The following NDOR1 variants were observed in gnomAD, a reference collection of about 807,000 sequenced individuals.
The protein encoded by NDOR1 is NADPH-dependent diflavin oxidoreductase 1.
A neutral mutation model predicts 67.2 loss-of-function variants in NDOR1; 61 were observed. The observed-to-expected ratio is 0.91, with a 90% CI of 0.74 to 1.12. The LOEUF (loss-of-function observed/expected upper bound fraction) is 1.12. NDOR1 is among the 50% of genes most tolerant of loss of function. The pLI, the probability that NDOR1 is intolerant of heterozygous loss-of-function variation, is 0.00. For missense variants in NDOR1, 878 were observed against 802.8 expected, an observed-to-expected ratio of 1.09 and a Z score of -1.13; for synonymous variants, 378 against 343.7, an observed-to-expected ratio of 1.10 and a Z score of -1.10.
Position 137,215,168 on chromosome 9 carries a change from G to T in NDOR1, c.1139G>T (p.Arg380Leu), listed in dbSNP as rs371123014. ...CTGTTGGACCTCATCCCCGTTATCC[G>T]GCCGAGGGCCTTCTCCATCGCCTCC... ...DYLLDLIPVI[R>L]PRAFSIASSL... Residue 380 changes from arginine to leucine, a missense_variant, in exon 9 of 14, where the codon CGG (arginine) becomes CTG (leucine). By Grantham distance (102) the Arg-to-Leu change is moderately radical. Transcript: ENST00000684003. 1 of 1,613,106 alleles carries T rather than the reference G, an allele frequency of 6.2e-7. No individual in the cohort carries two copies. The highest frequency in any genetic ancestry group is 8.5e-7 in the Non-Finnish European group (1 of 1,179,902).
chr9:137,209,072 C>G (rs531340742), intron 2 of NDOR1, among the ~76,000 whole-genome samples: 104 of 151,964 alleles, frequency 6.8e-4, no homozygotes, highest in Non-Finnish European at 1.3e-3. Flanking sequence ...TAGTAGAGAT[C>G]GGGTTTCACC....
rs182609426 is a variant in NDOR1, at chr9:137,208,156, A to G, written c.213+1847A>G. ...GCTAGACTCTGTCAAAAAAAAAAAA[A>G]AAAAGAAAAAGAGCCGGGCACTGTG... On this transcript the variant is annotated intron_variant, in intron 2 of 13. Transcript: ENST00000684003. Among the ~76,000 whole-genome samples the G allele has an allele frequency of 9.9e-3, 1,445 of 145,474 alleles. 28 individuals are homozygous for G. Among genetic ancestry groups the G allele is most frequent in the African/African-American group, 0.036 (1,401 of 39,108 alleles).
At position 137,207,853 on chromosome 9, in the gene NDOR1, C is replaced by T. The variant is rs1016543426; in HGVS notation, c.213+1544C>T. Among the ~76,000 whole-genome samples, 19 of 152,156 alleles carry T rather than the reference C, an allele frequency of 1.2e-4. 1 individual carries two copies. The highest frequency in any genetic ancestry group is 4.6e-4 in the African/African-American group (19 of 41,432). On this transcript the variant is annotated intron_variant, in intron 2 of 13. Transcript: ENST00000684003. ...AGTGGAGAGCATCTTTTAAGAATGTCTTGAGTGCGGGCCGGCTGCGGTGGC... is the reference window on the plus strand; with the variant it reads ...AGTGGAGAGCATCTTTTAAGAATGTTTTGAGTGCGGGCCGGCTGCGGTGGC...
At chr9:137,214,136 G>T (rs976046770) in intron 5 of NDOR1, 68 bp downstream of exon 5, 17 of 1,537,136 alleles carry the variant, frequency 1.1e-5, no homozygotes, top group Non-Finnish European at 1.3e-5. Context: ...CTCGCCCTGG[G>T]TCCCTCCCGT....
chr9:137,213,401 GCA>G (rs1466023174), intron 3 of NDOR1, among the ~76,000 whole-genome samples: 2 of 152,206 alleles, frequency 1.3e-5, no homozygotes, highest in African/African-American at 4.8e-5. Flanking sequence ...TCTCTCCCCA[GCA>G]CAGAGTTTCT....
chr9:137,217,604 C>T lies in NDOR1; in HGVS notation c.*1188C>T, dbSNP rs935536057. Reference sequence around the variant, plus strand: ...CCAGATCTGGCTGGGGACAGCACCGCGTGGGCCCAGGATCCACCCAGAGCA... The same window carrying T: ...CCAGATCTGGCTGGGGACAGCACCGTGTGGGCCCAGGATCCACCCAGAGCA... On this transcript the variant is annotated 3_prime_UTR_variant, in exon 14 of 14. Transcript: ENST00000684003. The T allele has an allele frequency of 1.6e-5, 3 of 185,006 alleles. No homozygotes were observed. The highest frequency in any genetic ancestry group is 2.6e-4 in the East Asian group (2 of 7,628). 11.5% of individuals were successfully genotyped at this position (185,006 alleles called of 1,614,324 possible). A position where few individuals can be genotyped will look rare whatever the true frequency, so the allele number is the denominator to read the frequency against.
Position 137,212,775 on chromosome 9 carries a change from CG to C in NDOR1, c.311+180del. Reference sequence around the variant, plus strand: ...GGTGGGCACCCCAGGCTTCACGCTGCGGGGAGGGCACAGAGGGGAGCAGGCA... The same window carrying C: ...GGTGGGCACCCCAGGCTTCACGCTGCGGGAGGGCACAGAGGGGAGCAGGCA... On this transcript the variant is annotated intron_variant, in intron 3 of 13. Coordinates refer to ENST00000684003, the MANE Select transcript of NDOR1 (RefSeq NM_014434.4). This position sits in a 1 kb window ranked among gnomAD's most constrained non-coding sequence, Gnocchi z 4.3. 1 of 618,440 alleles carries C rather than the reference CG, an allele frequency of 1.6e-6. No homozygotes were observed. The highest frequency in any genetic ancestry group is 2.9e-6 in the Non-Finnish European group (1 of 347,064). 38.3% of individuals were successfully genotyped at this position (618,440 alleles called of 1,614,324 possible).
chr9:137,208,266 GGT>G, intron 2 of NDOR1, among the ~76,000 whole-genome samples: 1 of 151,132 alleles, frequency 6.6e-6, no homozygotes, highest in South Asian at 2.1e-4. Context: ...TGGCTAACAC[GGT>G]GTGAAACCTC....
At chr9:137,205,980 C>G in intron 1 of NDOR1, 68 bp downstream of exon 1, 1 of 1,500,744 alleles carries the variant, frequency 6.7e-7, no homozygotes. Flanking sequence ...GCGGGGTCAT[C>G]GACCCAAAAG....
Position 137,212,360 on chromosome 9 carries a change from T to C in NDOR1, c.214-142T>C. 1 of 701,776 alleles carries C rather than the reference T, an allele frequency of 1.4e-6. No individual in the cohort carries two copies. Among genetic ancestry groups the C allele is most frequent in the African/African-American group, 1.7e-5 (1 of 57,298 alleles). The allele number at this position is 701,776 out of a possible 1,614,324, so 43.5% of individuals were successfully genotyped here. On this transcript the variant is annotated intron_variant, in intron 2 of 13. Transcript: ENST00000684003. The surrounding 1 kb of genome is among the most constrained non-coding windows in gnomAD (Gnocchi z 4.3). ...CATCCTGCAGGCTGGACCTGGGCCC[T>C]GCCTTTTGGTCAGATAGGTCCAGTT...
chr9:137,214,211 T>TC lies in NDOR1; in HGVS notation c.522dup (p.Lys175GlnfsTer16). The TC allele has an allele frequency of 6.2e-7, 1 of 1,611,028 alleles. No homozygotes were observed. The highest frequency in any genetic ancestry group is 1.1e-5 in the South Asian group (1 of 90,956). On this transcript the variant is annotated frameshift_variant, in exon 6 of 14. Coordinates refer to ENST00000684003, the MANE Select transcript of NDOR1 (RefSeq NM_014434.4). LOFTEE classifies it high-confidence loss of function. ...CAGCGTGCCCTCCCACAGCCTGCCC[T>TC]CCAAGTTCACCCTGCTGTTCCTCCA... is the stretch of plus-strand genomic sequence containing the variant.
chr9:137,207,447 G>A (rs1292212017), intron 2 of NDOR1, among the ~76,000 whole-genome samples: 1 of 152,046 alleles, frequency 6.6e-6, no homozygotes, highest in Non-Finnish European at 1.5e-5. Flanking sequence ...TTGAAGTGGA[G>A]AAGTGCAGTA....
chr9:137,206,150 A>G (rs1418030860), intron 1 of NDOR1, 82 bp from the exon 2 acceptor site: 1 of 1,557,312 alleles, frequency 6.4e-7, no homozygotes, highest in Admixed American at 1.7e-5. Context: ...CAGCCTGAGT[A>G]AAGGAGAAGG....
At chr9:137,209,116 C>T (rs557524951) in intron 2 of NDOR1, among the ~76,000 whole-genome samples, 4 of 152,242 alleles carry the variant, frequency 2.6e-5, no homozygotes, top group Admixed American at 2.0e-4. Flanking sequence ...CTCCTGACCT[C>T]GTGATCCACC....
rs1179280285 is a variant in NDOR1 at position 137,217,237 on chromosome 9, T to C, written c.*821T>C. On this transcript the variant is annotated 3_prime_UTR_variant, in exon 14 of 14. Coordinates refer to ENST00000684003, the MANE Select transcript of NDOR1 (RefSeq NM_014434.4). ...TGTGCCCGAGTGGCCTCTGCAGCTC[T>C]TATGTCTGCCTCTAATGGGATGTGC... Among the ~76,000 whole-genome samples the C allele has an allele frequency of 6.6e-6, 1 of 152,192 alleles. No individual in the cohort carries two copies. The highest frequency in any genetic ancestry group is 1.5e-5 in the Non-Finnish European group (1 of 68,034).
In NDOR1 at chr9:137,218,867, A is replaced by G. The variant is rs1220369361; in HGVS notation, c.*2451A>G. The G allele has an allele frequency of 5.3e-6, 2 of 379,770 alleles. No homozygotes were observed. The highest frequency in any genetic ancestry group is 4.1e-5 in the African/African-American group (2 of 48,238). 23.5% of individuals were successfully genotyped at this position (379,770 alleles called of 1,614,324 possible). The stretch of plus-strand genomic sequence containing the variant: ...ACCAGCGCCCAAGGACAGCTCCTGG[A>G]GGAGGCCAGCCCAGCAGGAAAGTCT... On this transcript the variant is annotated 3_prime_UTR_variant, in exon 14 of 14. Coordinates refer to ENST00000684003, the MANE Select transcript of NDOR1 (RefSeq NM_014434.4).
chr9:137,205,906 C>G lies in NDOR1; in HGVS notation c.129C>G (p.Tyr43Ter). ...GCCGGGTGCAGGCCCTGGACTCCTA[C>G]CCGGTGGTGAGGGCTCGCTAGGGCC... ...LGCRVQALDS[Y>*]PVVNLINEPL... The change falls in exon 1 of 14, where the codon TAC becomes TAG. Residue 43 changes from tyrosine (Y) to a stop codon, truncating the protein, a stop_gained. Coordinates refer to ENST00000684003, the MANE Select transcript of NDOR1 (RefSeq NM_014434.4). LOFTEE classifies it high-confidence loss of function. 1 of 1,591,376 alleles carries G rather than the reference C, an allele frequency of 6.3e-7. No individual in the cohort carries two copies. The highest frequency in any genetic ancestry group is 2.2e-5 in the East Asian group (1 of 44,614).
In NDOR1 at chr9:137,215,187, C is replaced by A. The variant is rs141226458; in HGVS notation, c.1158C>A (p.Ile386=). The A allele has an allele frequency of 1.3e-4, 215 of 1,612,074 alleles. No individual in the cohort carries two copies. Among genetic ancestry groups the A allele is most frequent in the Non-Finnish European group, 4.6e-5 (54 of 1,179,676 alleles). The stretch of plus-strand genomic sequence containing the variant: ...TTATCCGGCCGAGGGCCTTCTCCAT[C>A]GCCTCCTCGCTGCTGGTGAGGGGCC... The part of the protein sequence containing the change: ...IPVIRPRAFS[I]ASSLLTHPSR... Residue 386 remains isoleucine, a synonymous_variant, in exon 9 of 14, where the codon ATC becomes ATA. Coordinates refer to ENST00000684003, the MANE Select transcript of NDOR1 (RefSeq NM_014434.4).
At chr9:137,213,225 G>T (rs1173051453) in intron 3 of NDOR1, among the ~76,000 whole-genome samples, 1 of 152,260 alleles carries the variant, frequency 6.6e-6, no homozygotes, top group Non-Finnish European at 1.5e-5. Flanking sequence ...GTCCGTGCAT[G>T]ACGTTGTTTC....
Sources: gnomAD v4.1 joint callset for allele counts (sites outside exome capture counted in the v4.1 genomes callset) on GRCh38, gnomAD v4.1.1 for gene constraint, Gnocchi (gnomAD v3.1) non-coding constraint, MANE v1.5 for transcripts, NCBI Gene and HGNC (gene_info 2026-07-23, HGNC 2026-07-21) for gene names.